Variants in DCBLD2 observed in about 807,000 individuals in gnomAD.
The protein encoded by DCBLD2 is discoidin, CUB and LCCL domain containing 2, also known as discoidin, CUB and LCCL domain-containing protein 2.
In DCBLD2, 54 loss-of-function variants were observed where a neutral mutation model predicts 86.8. That is an observed-to-expected ratio of 0.62 (90% CI 0.50 to 0.78). DCBLD2 has a LOEUF of 0.78. Ranked by LOEUF, DCBLD2 falls within the 30% of genes least tolerant of loss-of-function variation. The pLI, the probability that DCBLD2 is intolerant of heterozygous loss-of-function variation, is 0.00. For synonymous variants in DCBLD2, 354 were observed against 341.3 expected (o/e 1.04, Z -0.41); for missense variants, 908 against 954.2 (o/e 0.95, Z 0.64).
In DCBLD2 at chr3:98,799,738, A is replaced by G; in HGVS notation, c.1962T>C (p.Pro654=). ...AAACTTCCTGCCCTGGTGAGTTGTA[A>G]GGATCTAGGTCTGCATAGCCTGCTT... The part of the protein sequence containing the change: ...GKEAGYADLD[P]YNSPGQEVYH... The change falls in exon 16 of 16, where the codon CCT becomes CCC. Residue 654 remains proline (P), a synonymous_variant. Transcript: ENST00000326840. 6.2e-7 allele frequency: 1 copy of G among 1,613,984 alleles called. No homozygotes were observed. The highest frequency in any genetic ancestry group is 8.5e-7 in the Non-Finnish European group (1 of 1,179,886).
chr3:98,867,788 T>G (rs182837581), intron 2 of DCBLD2, among the ~76,000 whole-genome samples: 80 of 151,692 alleles, frequency 5.3e-4, no homozygotes, highest in African/African-American at 1.8e-3. Flanking sequence ...AGAAATAACA[T>G]TTGTTTTTGT....
chr3:98,897,412 C>A (rs1343951381), intron 1 of DCBLD2, among the ~76,000 whole-genome samples: 1 of 151,916 alleles, frequency 6.6e-6, no homozygotes, highest in Non-Finnish European at 1.5e-5. Context: ...TGCTTCTGAA[C>A]AAAACTGGAT....
intron 2 of DCBLD2, among the ~76,000 whole-genome samples, chr3:98,874,928 T>C (rs967721131): frequency 6.6e-6 from 1 of 152,166 alleles, no homozygotes; most frequent in Non-Finnish European, 1.5e-5. Flanking sequence ...GCTGTTTTTT[T>C]AAGCCACTCG....
chr3:98,891,225 A>T (rs1943656325), intron 1 of DCBLD2, among the ~76,000 whole-genome samples: 1 of 151,568 alleles, frequency 6.6e-6, no homozygotes, highest in Non-Finnish European at 1.5e-5. Context: ...GGAGAGAGAG[A>T]GAGAGAGAAA....
At chr3:98,839,498 A>G (rs1375485765) in intron 3 of DCBLD2, among the ~76,000 whole-genome samples, 2 of 152,190 alleles carry the variant, frequency 1.3e-5, no homozygotes, top group East Asian at 1.9e-4. Flanking sequence ...ACTTAATAAG[A>G]CTGTTATAAA....
At chr3:98,870,741 G>GAAAGAAAGAAAGAAAGAA (rs1553731632) in intron 2 of DCBLD2, among the ~76,000 whole-genome samples, 1 of 47,400 alleles carries the variant, frequency 2.1e-5, no homozygotes, top group African/African-American at 8.1e-5. Context: ...GAAAGAAAAA[G>GAAAGAAAGAAAGAAAGAA]AAAGAAAGAA....
rs748111620 is a variant in DCBLD2, at chr3:98,800,758, C to T, written c.1721-42G>A. The T allele has an allele frequency of 1.5e-5, 24 of 1,613,188 alleles. No individual in the cohort carries two copies. The South Asian group carries it at 2.3e-4, about 16-fold the overall frequency. On this transcript the variant is annotated intron_variant, in intron 14 of 15. Coordinates refer to ENST00000326840, the MANE Select transcript of DCBLD2 (RefSeq NM_080927.4). ...AGCCAAAGAGACCATTAAATAAAAA[C>T]CTGTATCTCAAACAGTAGTATCAAG...
At chr3:98,854,259 C>A (rs191100460) in intron 2 of DCBLD2, among the ~76,000 whole-genome samples, 2 of 152,144 alleles carry the variant, frequency 1.3e-5, no homozygotes, top group Non-Finnish European at 2.9e-5. Flanking sequence ...TTAAATAACT[C>A]CCATCAGTAG....
intron 2 of DCBLD2, among the ~76,000 whole-genome samples, chr3:98,878,108 G>T (rs1039844842): frequency 6.6e-6 from 1 of 152,270 alleles, no homozygotes; most frequent in Non-Finnish European, 1.5e-5. Context: ...CAAATCTAGT[G>T]GGTATAAGTT....
intron 3 of DCBLD2, among the ~76,000 whole-genome samples, chr3:98,838,897 G>C (rs574991389): frequency 3.8e-4 from 58 of 151,896 alleles, no homozygotes; most frequent in Middle Eastern, 3.4e-3. Flanking sequence ...CCAGTCAGGC[G>C]TGGCGGCGCG....
chr3:98,875,950 T>C (rs1943360542), intron 2 of DCBLD2, among the ~76,000 whole-genome samples: 1 of 152,076 alleles, frequency 6.6e-6, no homozygotes, highest in African/African-American at 2.4e-5. Context: ...ATAATCCCAC[T>C]ATGAAAAAAA....
intron 9 of DCBLD2, chr3:98,812,959 T>C (rs1165140676): frequency 2.0e-5 from 3 of 152,694 alleles, no homozygotes; most frequent in African/African-American, 7.2e-5. Context: ...GAACATATAC[T>C]AACAAACATA....
chr3:98,881,961 G>C (rs1178022834), intron 1 of DCBLD2, among the ~76,000 whole-genome samples, 194 bp from the exon 2 acceptor site: 9 of 151,968 alleles, frequency 5.9e-5, no homozygotes, highest in Admixed American at 5.9e-4. Context: ...TGATACATAT[G>C]ATGTATAGTG....
chr3:98,867,744 A>T (rs548347243), intron 2 of DCBLD2, among the ~76,000 whole-genome samples: 1 of 134,792 alleles, frequency 7.4e-6, no homozygotes, highest in South Asian at 2.4e-4. Flanking sequence ...ATATGAAGTA[A>T]GGGAATCATG....
At chr3:98,881,808 A>AT (rs1559798661) in intron 1 of DCBLD2, 41 bp from the exon 2 acceptor site, 1 of 1,559,516 alleles carries the variant, frequency 6.4e-7, no homozygotes, top group Admixed American at 1.8e-5. Flanking sequence ...ATTCTCACAT[A>AT]TTTTACTTCC....
intron 7 of DCBLD2, among the ~76,000 whole-genome samples, chr3:98,819,827 C>G (rs1942086914): frequency 6.6e-6 from 1 of 152,142 alleles, no homozygotes; most frequent in African/African-American, 2.4e-5. Context: ...ATATTGTAAA[C>G]AGTACATTAT....
intron 2 of DCBLD2, among the ~76,000 whole-genome samples, chr3:98,870,761 GAAAGAA>G (rs1486860411): frequency 3.2e-5 from 4 of 125,570 alleles, no homozygotes; most frequent in East Asian, 2.2e-4. Context: ...AAGAAAGAAA[GAAAGAA>G]AGAAAGAAAG....
intron 2 of DCBLD2, among the ~76,000 whole-genome samples, chr3:98,861,577 C>G (rs941174801): frequency 6.6e-6 from 1 of 152,200 alleles, no homozygotes; most frequent in African/African-American, 2.4e-5. Flanking sequence ...GAAACTCACT[C>G]AAAACCGCTC....
At chr3:98,829,427 C>T (rs1942283674) in intron 3 of DCBLD2, among the ~76,000 whole-genome samples, 1 of 152,094 alleles carries the variant, frequency 6.6e-6, no homozygotes, top group Non-Finnish European at 1.5e-5. Context: ...TGTTTCTGTT[C>T]CTCTCCCTCC....
Sources: allele counts gnomAD v4.1 joint callset (sites outside exome capture counted in the v4.1 genomes callset), GRCh38; gene constraint gnomAD v4.1.1; transcripts MANE v1.5; gene names NCBI Gene and HGNC (gene_info 2026-07-23, HGNC 2026-07-21).